Variants in CNKSR2 observed in about 807,000 individuals in gnomAD.
The protein encoded by CNKSR2 is connector enhancer of kinase suppressor of Ras 2.
In CNKSR2, 14 loss-of-function variants were observed where a neutral mutation model predicts 84.4. That is an observed-to-expected ratio of 0.17 (90% CI 0.11 to 0.26). CNKSR2 has a LOEUF of 0.26. Among genes scored for constraint, CNKSR2 ranks in the 10% least tolerant of loss-of-function variants. The pLI is 1.00. For synonymous variants in CNKSR2, 275 were observed against 277.9 expected, an observed-to-expected ratio of 0.99 and a Z score of 0.10; for missense variants, 485 against 771.2, an observed-to-expected ratio of 0.63 and a Z score of 4.40.
At position 21,652,700 on chromosome X, in the gene CNKSR2, T is replaced by C. The variant is rs1280316147; in HGVS notation, c.*179T>C. On this transcript the variant is annotated 3_prime_UTR_variant, in exon 22 of 22. Coordinates refer to ENST00000379510, the MANE Select transcript of CNKSR2 (RefSeq NM_014927.5). ...CTTTAATGAGCATTTGTATATTTTA[T>C]ATGCAACAGTGCTCAGCTTATGTTT... is the stretch of plus-strand genomic sequence containing the variant. 1.7e-5 allele frequency: 7 copies of C among 413,332 alleles called. No homozygotes were observed. In the East Asian group the frequency reaches 2.0e-4, roughly 12 times the overall value. The allele number at this position is 413,332 out of a possible 1,213,427, so 34.1% of individuals were successfully genotyped here. A position where few individuals can be genotyped will look rare whatever the true frequency, so the allele number is the denominator to read the frequency against.
intron 11 of CNKSR2, among the ~76,000 whole-genome samples, chrX:21,536,107 A>G (rs1053287321): frequency 7.2e-5 from 8 of 111,228 alleles, no homozygotes; most frequent in Admixed American, 3.8e-4. Context: ...TTTTTTGTGT[A>G]TCTATTGAAA....
At chrX:21,466,230 T>C (rs1487193932) in intron 4 of CNKSR2, among the ~76,000 whole-genome samples, 1 of 111,878 alleles carries the variant, frequency 8.9e-6, no homozygotes, top group Non-Finnish European at 1.9e-5. Context: ...AACTGGAATG[T>C]CAGAGGTGTA....
At chrX:21,551,045 A>G (rs1176223130) in intron 11 of CNKSR2, among the ~76,000 whole-genome samples, 1 of 109,236 alleles carries the variant, frequency 9.2e-6, no homozygotes, top group Non-Finnish European at 1.9e-5. Flanking sequence ...AAAAAAAAAA[A>G]TGAGTTTATG....
intron 8 of CNKSR2, among the ~76,000 whole-genome samples, chrX:21,514,572 A>G (rs2091707879): frequency 9.0e-6 from 1 of 111,667 alleles, no homozygotes; most frequent in African/African-American, 3.2e-5. Flanking sequence ...TGAAAATTTC[A>G]CAGGAAAATA....
chrX:21,617,520 A>T (rs1332675769), intron 20 of CNKSR2, among the ~76,000 whole-genome samples: 4 of 112,105 alleles, frequency 3.6e-5, no homozygotes, highest in Non-Finnish European at 7.5e-5. Flanking sequence ...CAGTGATGAA[A>T]GTGCAAAGCC....
chrX:21,594,753 A>G (rs2092441909), intron 15 of CNKSR2: 1 of 270,444 alleles, frequency 3.7e-6, no homozygotes, highest in Non-Finnish European at 6.7e-6. Flanking sequence ...AAGACTTTTT[A>G]AAAGTTCTAT....
chrX:21,497,341 A>G (rs988458170), intron 6 of CNKSR2, among the ~76,000 whole-genome samples: 1 of 112,026 alleles, frequency 8.9e-6, no homozygotes, highest in Non-Finnish European at 1.9e-5. Context: ...GGTTCCAGTT[A>G]TAATTGAAGT....
At chrX:21,513,848 C>T (rs931148262) in intron 8 of CNKSR2, among the ~76,000 whole-genome samples, 1 of 111,641 alleles carries the variant, frequency 9.0e-6, no homozygotes, top group Non-Finnish European at 1.9e-5. Context: ...ACAAACAGTC[C>T]TGATTAGGTA....
At chrX:21,437,882 A>C in intron 3 of CNKSR2, among the ~76,000 whole-genome samples, 1 of 111,604 alleles carries the variant, frequency 9.0e-6, no homozygotes, top group Non-Finnish European at 1.9e-5. Flanking sequence ...ATGGATTTTT[A>C]ACAGTTGGTT....
At chrX:21,477,211 A>G (rs1298907012) in intron 5 of CNKSR2, among the ~76,000 whole-genome samples, 1 of 112,163 alleles carries the variant, frequency 8.9e-6, no homozygotes, top group Non-Finnish European at 1.9e-5. Context: ...TGAGCTCACA[A>G]ACACCTTTTA....
At chrX:21,554,761 C>A (rs548431803) in intron 11 of CNKSR2, among the ~76,000 whole-genome samples, 2 of 111,330 alleles carry the variant, frequency 1.8e-5, no homozygotes, top group African/African-American at 3.3e-5. Flanking sequence ...GATTCCATGT[C>A]TTTGCTATTG....
intron 8 of CNKSR2, among the ~76,000 whole-genome samples, chrX:21,507,809 G>C (rs756632596): frequency 4.5e-5 from 5 of 111,397 alleles, no homozygotes; most frequent in Non-Finnish European, 9.4e-5. Context: ...TGTAAGTATA[G>C]ATTTTCCACA....
intron 11 of CNKSR2, among the ~76,000 whole-genome samples, chrX:21,532,906 A>G (rs948121135): frequency 9.0e-6 from 1 of 111,385 alleles, no homozygotes; most frequent in Non-Finnish European, 1.9e-5. Context: ...GAGCAGAAGC[A>G]AAGTTGTTTT....
Position 21,648,860 on chromosome X carries a change from T to C in CNKSR2, c.2722T>C (p.Ser908Pro). The stretch of plus-strand genomic sequence containing the variant: ...AAGCAGAGAAGAAAAGTTAGGAGAC[T>C]CATTGCAAGATTTATACAGGGCACT... ...SESREEKLGD[S>P]LQDLYRALEQ... The change falls in exon 21 of 22, where the codon TCA becomes CCA. Residue 908 changes from serine (S) to proline (P), a missense_variant. By Grantham distance (74) the Ser-to-Pro change is moderately conservative. Around this residue, in one of 5 missense-constraint regions of CNKSR2, gnomAD observed 210 missense variants for 291.5 expected, o/e 0.72. Transcript: ENST00000379510. 1.9e-6 allele frequency: 2 copies of C among 1,071,688 alleles called. No individual in the cohort carries two copies. The highest frequency in any genetic ancestry group is 2.5e-6 in the Non-Finnish European group (2 of 807,550). The allele number at this position is 1,071,688 out of a possible 1,213,427, so 88.3% of individuals were successfully genotyped here.
intron 11 of CNKSR2, chrX:21,538,125 G>C (rs2147135249): frequency 9.0e-6 from 1 of 111,718 alleles, no homozygotes; most frequent in East Asian, 2.8e-4. Context: ...GCCTGGTCTA[G>C]TGGTAATGAA....
At chrX:21,421,506 T>G (rs1601768071) in intron 1 of CNKSR2, among the ~76,000 whole-genome samples, 1 of 109,791 alleles carries the variant, frequency 9.1e-6, no homozygotes, top group East Asian at 2.9e-4. Context: ...TTTCTTTATC[T>G]ACTTATACAT....
chrX:21,474,113 G>T (rs1302091167), intron 5 of CNKSR2, among the ~76,000 whole-genome samples: 1 of 110,431 alleles, frequency 9.1e-6, no homozygotes, highest in African/African-American at 3.3e-5. Flanking sequence ...AAAAGCCAGA[G>T]TTTTTATATA....
chrX:21,391,107 A>G (rs1403049111), intron 1 of CNKSR2, among the ~76,000 whole-genome samples: 1 of 112,737 alleles, frequency 8.9e-6, no homozygotes, highest in Non-Finnish European at 1.9e-5. Flanking sequence ...TTTGAAGGGT[A>G]CAACCCCCTT....
intron 5 of CNKSR2, among the ~76,000 whole-genome samples, chrX:21,489,551 GC>G (rs774337954): frequency 8.9e-6 from 1 of 111,859 alleles, no homozygotes; most frequent in African/African-American, 3.2e-5. Context: ...TATATTTCAA[GC>G]TTCTTCACTC....
Sources: allele counts gnomAD v4.1 joint callset (sites outside exome capture counted in the v4.1 genomes callset), GRCh38; gene constraint gnomAD v4.1.1; regional missense constraint gnomAD v4.1.1; transcripts MANE v1.5; gene names NCBI Gene and HGNC (gene_info 2026-07-23, HGNC 2026-07-21).